The following PGR variants were observed in gnomAD, a reference collection of about 807,000 sequenced individuals.
PGR encodes progesterone receptor.
PGR carries 25 observed loss-of-function variants against 76.1 expected under a neutral mutation model. That is an observed-to-expected ratio of 0.33 (90% CI 0.24 to 0.46). The LOEUF (loss-of-function observed/expected upper bound fraction) is 0.46. Ranked by LOEUF, PGR falls within the 20% of genes least tolerant of loss-of-function variation. PGR has a pLI of 1.00. For synonymous variants in PGR, 579 were observed against 535.0 expected, an observed-to-expected ratio of 1.08 and a Z score of -1.14; for missense variants, 1,172 against 1,225.3, an observed-to-expected ratio of 0.96 and a Z score of 0.65.
At position 101,129,350 on chromosome 11, in the gene PGR, T is replaced by G; in HGVS notation, c.-280A>C. The G allele has an allele frequency of 2.5e-6, 1 of 405,088 alleles. No homozygotes were observed. Among genetic ancestry groups the G allele is most frequent in the East Asian group, 3.7e-5 (1 of 26,946 alleles). The allele number at this position is 405,088 out of a possible 1,614,324, so 25.1% of individuals were successfully genotyped here. ...AGAAAAAGTAGTAATTGTTAGGAGATCTCGTCTCCTAACTCGGGGAGTTCT... is the reference window on the plus strand; with the variant it reads ...AGAAAAAGTAGTAATTGTTAGGAGAGCTCGTCTCCTAACTCGGGGAGTTCT... On this transcript the variant is annotated 5_prime_UTR_variant, in exon 1 of 8. Coordinates refer to ENST00000325455, the MANE Select transcript of PGR (RefSeq NM_000926.4).
At chr11:101,069,116 C>T (rs1425888572) in intron 3 of PGR, among the ~76,000 whole-genome samples, 3 of 151,920 alleles carry the variant, frequency 2.0e-5, no homozygotes, top group Non-Finnish European at 2.9e-5. Flanking sequence ...TGCAATTTAT[C>T]CATCTGACAA....
intron 7 of PGR, 57 bp from the exon 8 acceptor site, chr11:101,039,328 T>C: frequency 1.6e-6 from 2 of 1,254,102 alleles, no homozygotes; most frequent in Admixed American, 1.8e-5. Flanking sequence ...ATTCATATGC[T>C]ATTCAAACAT....
intron 2 of PGR, among the ~76,000 whole-genome samples, chr11:101,106,827 A>G (rs1251387505): frequency 2.6e-5 from 4 of 152,242 alleles, no homozygotes; most frequent in African/African-American, 7.2e-5. Flanking sequence ...AATGTCCATC[A>G]ATGACAGACT....
intron 2 of PGR, among the ~76,000 whole-genome samples, chr11:101,101,911 T>C (rs977484404): frequency 6.6e-6 from 1 of 152,182 alleles, no homozygotes; most frequent in Non-Finnish European, 1.5e-5. Flanking sequence ...TTTGGGCTTG[T>C]AGCAATTTTT....
At chr11:101,102,133 G>C (rs1862015381) in intron 2 of PGR, among the ~76,000 whole-genome samples, 1 of 152,098 alleles carries the variant, frequency 6.6e-6, no homozygotes, top group South Asian at 2.1e-4. Context: ...TTAGATTAAA[G>C]AAAACTAAAC....
intron 2 of PGR, among the ~76,000 whole-genome samples, chr11:101,106,075 C>G (rs543524371): frequency 4.6e-5 from 7 of 152,220 alleles, no homozygotes; most frequent in Admixed American, 4.6e-4. Flanking sequence ...CAAAAATTAA[C>G]TCAAGATGGA....
chr11:101,095,999 G>A (rs2135462733), intron 2 of PGR, among the ~76,000 whole-genome samples: 1 of 152,282 alleles, frequency 6.6e-6, no homozygotes, highest in African/African-American at 2.4e-5. Flanking sequence ...AATGTATGAG[G>A]TAGGAAGTCT....
chr11:101,110,312 T>C (rs1862305717), intron 2 of PGR, among the ~76,000 whole-genome samples: 2 of 152,322 alleles, frequency 1.3e-5, no homozygotes, highest in South Asian at 4.1e-4. Context: ...ATTTTAGATG[T>C]CATTAAGAAC....
At chr11:101,067,653 A>C (rs1860765451) in intron 3 of PGR, among the ~76,000 whole-genome samples, 1 of 152,164 alleles carries the variant, frequency 6.6e-6, no homozygotes, top group Non-Finnish European at 1.5e-5. Flanking sequence ...ATACATGTAA[A>C]ATAATGTTCA....
intron 3 of PGR, among the ~76,000 whole-genome samples, chr11:101,067,713 C>T (rs665617): frequency 6.6e-6 from 1 of 151,392 alleles, no homozygotes; most frequent in African/African-American, 2.4e-5. Context: ...AAGTACATGT[C>T]AATACATGAG....
Position 101,036,834 on chromosome 11 carries a change from G to C in PGR, c.*2282C>G, listed in dbSNP as rs1392232509. 1.0e-5 allele frequency: 2 copies of C among 191,024 alleles called. No individual in the cohort carries two copies. Among genetic ancestry groups the C allele is most frequent in the Non-Finnish European group, 2.2e-5 (2 of 91,170 alleles). The allele number at this position is 191,024 out of a possible 1,614,324, so 11.8% of individuals were successfully genotyped here. A position where few individuals can be genotyped will look rare whatever the true frequency, so the allele number is the denominator to read the frequency against. On this transcript the variant is annotated 3_prime_UTR_variant, in exon 8 of 8. Coordinates refer to ENST00000325455, the MANE Select transcript of PGR (RefSeq NM_000926.4). ...TATTATGGAAATTAAATATATGCTG[G>C]TGGAAATGATTTATATCATCAAAAT...
Position 101,127,955 on chromosome 11 carries a change from G to T in PGR, c.1116C>A (p.Asp372Glu), listed in dbSNP as rs1368332615. The part of the protein sequence containing the change: ...AYPPDAEPKD[D>E]AYPLYSDFQP... ...GGAAGTCGCTATAGAGAGGGTACGC[G>T]TCGTCCTTGGGCTCGGCGTCGGGCG... Residue 372 changes from aspartate (D) to glutamate (E), a missense_variant, in exon 1 of 8, where the codon GAC (aspartate) becomes GAA (glutamate). By Grantham distance (45) the Asp-to-Glu change is conservative. Coordinates refer to ENST00000325455, the MANE Select transcript of PGR (RefSeq NM_000926.4). 6.2e-7 allele frequency: 1 copy of T among 1,612,068 alleles called. No individual in the cohort carries two copies. Among genetic ancestry groups the T allele is most frequent in the South Asian group, 1.1e-5 (1 of 91,078 alleles).
At position 101,062,734 on chromosome 11, in the gene PGR, A is replaced by G. The variant is rs1287589157; in HGVS notation, c.1925T>C (p.Phe642Ser). Residue 642 changes from phenylalanine (F) to serine (S), a missense_variant, in exon 4 of 8, where the codon TTC becomes TCC. By Grantham distance (155) the Phe-to-Ser change is radical. Around this residue, in one of 4 missense-constraint regions of PGR, gnomAD observed 73 missense variants for 60.7 expected, o/e 1.20. Transcript: ENST00000325455. ...MVLGGRKFKK[F>S]NKVRVVRALD... ...TGCTCTCACAACTCTGACTTTATTG[A>G]ACTTTTTAAATTTTCGACCTACAGA... The G allele has an allele frequency of 6.2e-7, 1 of 1,611,964 alleles. No individual in the cohort carries two copies.
intron 2 of PGR, among the ~76,000 whole-genome samples, chr11:101,111,193 T>C (rs553056721): frequency 4.3e-4 from 65 of 152,154 alleles, no homozygotes; most frequent in Non-Finnish European, 7.9e-4. Flanking sequence ...GCCTGGTATA[T>C]AGTAAGGACA....
rs546390846 is a variant in PGR at position 101,096,869 on chromosome 11, A to G, written c.1790-4993T>C. Among the ~76,000 whole-genome samples the G allele has an allele frequency of 7.2e-5, 11 of 152,314 alleles. No individual in the cohort carries two copies. The South Asian group carries it at 2.3e-3, about 32-fold the overall frequency. On this transcript the variant is annotated intron_variant, in intron 2 of 7. Coordinates refer to ENST00000325455, the MANE Select transcript of PGR (RefSeq NM_000926.4). ...TACAACAAGTGTAAAACACGTCACT[A>G]TATTAAACCACTCAGAGCATTCCAT...
intron 2 of PGR, among the ~76,000 whole-genome samples, chr11:101,111,261 C>G (rs1417853736): frequency 6.6e-6 from 1 of 152,126 alleles, no homozygotes; most frequent in Non-Finnish European, 1.5e-5. Context: ...TAGAATTCTT[C>G]CTAGAGAAAG....
chr11:101,124,011 G>A (rs1480829915), intron 2 of PGR, among the ~76,000 whole-genome samples: 1 of 152,130 alleles, frequency 6.6e-6, no homozygotes, highest in Non-Finnish European at 1.5e-5. Flanking sequence ...TTTATCTCAA[G>A]GCAGAGAAAA....
At chr11:101,107,012 TGA>T (rs1426568145) in intron 2 of PGR, among the ~76,000 whole-genome samples, 2 of 151,968 alleles carry the variant, frequency 1.3e-5, no homozygotes, top group South Asian at 2.1e-4. Flanking sequence ...AGTTGAGCAA[TGA>T]GAACACATGG....
intron 1 of PGR, among the ~76,000 whole-genome samples, chr11:101,126,393 A>C (rs979270337): frequency 2.0e-5 from 3 of 152,234 alleles, no homozygotes; most frequent in Non-Finnish European, 1.5e-5. Context: ...AACAATAATT[A>C]GTGTATAATA....
Sources: allele counts gnomAD v4.1 joint callset (sites outside exome capture counted in the v4.1 genomes callset), GRCh38; gene constraint gnomAD v4.1.1; regional missense constraint gnomAD v4.1.1; transcripts MANE v1.5; gene names NCBI Gene and HGNC (gene_info 2026-07-23, HGNC 2026-07-21).